The following TFEC variants were observed in gnomAD, a reference collection of about 807,000 sequenced individuals.
TFEC encodes the protein class E basic helix-loop-helix protein 34.
In TFEC, 31 loss-of-function variants were observed where a neutral mutation model predicts 41.6. That is an observed-to-expected ratio of 0.74 (90% CI 0.56 to 1.01). The LOEUF (loss-of-function observed/expected upper bound fraction) is 1.01, where lower values mean the gene tolerates loss of function less well. TFEC is among the 50% of genes least tolerant of loss of function. TFEC has a pLI of 0.00. For synonymous variants in TFEC, 143 were observed against 140.6 expected (o/e 1.02, Z -0.12); for missense variants, 402 against 404.1 (o/e 0.99, Z 0.04).
chr7:116,111,179 C>T (rs1478186815), intron 2 of TFEC, among the ~76,000 whole-genome samples: 2 of 151,212 alleles, frequency 1.3e-5, no homozygotes, highest in Non-Finnish European at 2.9e-5. Context: ...AGATTTGTGC[C>T]TGACTTTGTT....
chr7:116,123,648 G>A (rs1459035852), intron 1 of TFEC, among the ~76,000 whole-genome samples: 1 of 151,868 alleles, frequency 6.6e-6, no homozygotes, highest in African/African-American at 2.4e-5. Context: ...TTTCTTTATT[G>A]ATGCTTCACC....
At chr7:115,987,729 G>T (rs186388429) in intron 1 of TFEC, among the ~76,000 whole-genome samples, 1 of 151,840 alleles carries the variant, frequency 6.6e-6, no homozygotes, top group South Asian at 2.1e-4. Context: ...CAGACAGCAG[G>T]CACACAAAAA....
At chr7:116,016,599 C>G (rs1795200001) in intron 1 of TFEC, among the ~76,000 whole-genome samples, 1 of 152,006 alleles carries the variant, frequency 6.6e-6, no homozygotes, top group Admixed American at 6.6e-5. Flanking sequence ...ATACTATGTA[C>G]ATGCTAATAT....
intron 1 of TFEC, among the ~76,000 whole-genome samples, chr7:116,134,509 C>T (rs1425928980): frequency 6.6e-6 from 1 of 152,080 alleles, no homozygotes. Context: ...AAACCCTTCC[C>T]TTTGGGTCTC....
At chr7:116,149,964 C>T (rs1172581638) in intron 1 of TFEC, among the ~76,000 whole-genome samples, 5 of 152,086 alleles carry the variant, frequency 3.3e-5, no homozygotes, top group African/African-American at 1.2e-4. Flanking sequence ...AACTCCTTTA[C>T]AACAGTCAAC....
chr7:115,999,273 T>C (rs1221529533), intron 1 of TFEC, among the ~76,000 whole-genome samples: 1 of 151,860 alleles, frequency 6.6e-6, no homozygotes, highest in East Asian at 1.9e-4. Context: ...AGAAGGAAAT[T>C]TAAAAATTTC....
chr7:116,078,162 C>A (rs1040485145), intron 3 of TFEC, among the ~76,000 whole-genome samples: 2 of 151,916 alleles, frequency 1.3e-5, no homozygotes, highest in Non-Finnish European at 2.9e-5. Context: ...ATTAAATAAC[C>A]TGCTCCTGAA....
chr7:116,094,650 C>T lies in TFEC; in HGVS notation c.198+16058G>A, dbSNP rs149004759. Reference sequence around the variant, plus strand: ...ACCTCAGATTGAGCCACTGCACTCCCGCCTGGGTGACAGAGAAAGACTCCG... The same window carrying T: ...ACCTCAGATTGAGCCACTGCACTCCTGCCTGGGTGACAGAGAAAGACTCCG... On this transcript the variant is annotated intron_variant, in intron 3 of 8. Coordinates refer to the TFEC transcript ENST00000484212. Among the ~76,000 whole-genome samples, 362 of 152,026 alleles carry T rather than the reference C, an allele frequency of 2.4e-3. 2 individuals carry two copies. Among genetic ancestry groups the T allele is most frequent in the African/African-American group, 3.8e-3 (157 of 41,458 alleles).
intron 1 of TFEC, among the ~76,000 whole-genome samples, chr7:116,157,546 A>T (rs560802697): frequency 6.6e-6 from 1 of 152,134 alleles, no homozygotes; most frequent in South Asian, 2.1e-4. Context: ...TAAGTTTAGT[A>T]GGGAATGAGC....
intron 1 of TFEC, among the ~76,000 whole-genome samples, chr7:116,145,312 C>T (rs1798620673): frequency 6.6e-6 from 1 of 152,132 alleles, no homozygotes; most frequent in African/African-American, 2.4e-5. Context: ...TCACCCCCAC[C>T]CCTGAGCTAA....
In TFEC at chr7:116,118,516, A is replaced by G. The variant is rs145339295; in HGVS notation, c.-68-6478T>C. On this transcript the variant is annotated intron_variant, in intron 1 of 8. Transcript: ENST00000484212. Reference sequence around the variant, plus strand: ...GCTGGCATCTTTTCCTAATGGGGAAATTAATTTTAAGGCTTTGTGGTACCT... The same window carrying G: ...GCTGGCATCTTTTCCTAATGGGGAAGTTAATTTTAAGGCTTTGTGGTACCT... 2.1e-4 allele frequency among the ~76,000 whole-genome samples: 32 copies of G among 151,854 alleles called. 1 individual carries two copies. Among genetic ancestry groups the G allele is most frequent in the African/African-American group, 7.2e-4 (30 of 41,494 alleles).
chr7:116,031,822 C>T (rs1330188300), upstream of TFEC, among the ~76,000 whole-genome samples: 1 of 152,012 alleles, frequency 6.6e-6, no homozygotes, highest in Non-Finnish European at 1.5e-5. Flanking sequence ...TTTTGAGTCA[C>T]CTTACCTTTT....
Position 116,088,414 on chromosome 7 carries a change from C to T in TFEC, c.198+22294G>A, listed in dbSNP as rs114135203. Among the ~76,000 whole-genome samples, 1,299 of 152,084 alleles carry T rather than the reference C, an allele frequency of 8.5e-3. 21 individuals carry two copies. Among genetic ancestry groups the T allele is most frequent in the African/African-American group, 0.029 (1,216 of 41,502 alleles). ...ATGGTAGTAGTCGGCTAAATATTTG[C>T]GATAATTAGAAAATCAAAGAATGAG... is the stretch of plus-strand genomic sequence containing the variant. On this transcript the variant is annotated intron_variant, in intron 3 of 8. Transcript: ENST00000484212.
intron 1 of TFEC, among the ~76,000 whole-genome samples, chr7:116,151,631 A>G (rs755248304): frequency 3.9e-5 from 6 of 152,092 alleles, no homozygotes; most frequent in Non-Finnish European, 7.4e-5. Flanking sequence ...GTTTTTTTCC[A>G]AAATGAGAAC....
chr7:116,003,594 C>A (rs1011037269), intron 1 of TFEC, among the ~76,000 whole-genome samples: 1 of 151,912 alleles, frequency 6.6e-6, no homozygotes, highest in Non-Finnish European at 1.5e-5. Flanking sequence ...GGCAGAAAAT[C>A]AGTATGGAGA....
At chr7:116,044,451 T>A (rs1796115515) in intron 3 of TFEC, among the ~76,000 whole-genome samples, 1 of 152,224 alleles carries the variant, frequency 6.6e-6, no homozygotes, top group African/African-American at 2.4e-5. Flanking sequence ...ATATTATTTC[T>A]TTTCACAGTG....
In TFEC at chr7:115,938,004, C is replaced by T. The variant is rs994475939; in HGVS notation, c.*2547G>A. 17 of 151,980 alleles carry T rather than the reference C, an allele frequency of 1.1e-4. No individual in the cohort carries two copies. The highest frequency in any genetic ancestry group is 1.9e-4 in the Non-Finnish European group (13 of 67,830). 9.4% of individuals were successfully genotyped at this position (151,980 alleles called of 1,614,324 possible). A position where few individuals can be genotyped will look rare whatever the true frequency, so the allele number is the denominator to read the frequency against. ...GGGACACAGCATAACTCTTTACTCT[C>T]TTTAAAAATTCATTACCCTTTTTAC... On this transcript the variant is annotated 3_prime_UTR_variant, in exon 8 of 8. Transcript: ENST00000265440.
At chr7:115,996,752 G>T (rs1584665212) in intron 1 of TFEC, among the ~76,000 whole-genome samples, 1 of 152,014 alleles carries the variant, frequency 6.6e-6, no homozygotes, top group Admixed American at 6.6e-5. Flanking sequence ...AAAGCTGACT[G>T]AAGAGACCTT....
chr7:116,094,883 T>C (rs1562967184), intron 3 of TFEC, among the ~76,000 whole-genome samples: 1 of 152,220 alleles, frequency 6.6e-6, no homozygotes, highest in Non-Finnish European at 1.5e-5. Flanking sequence ...GTAACCTTTA[T>C]GCTGTAAATT....
Sources: gnomAD v4.1 joint callset for allele counts (sites outside exome capture counted in the v4.1 genomes callset) on GRCh38, gnomAD v4.1.1 for gene constraint, MANE v1.5 for transcripts, NCBI Gene and HGNC (gene_info 2026-07-23, HGNC 2026-07-21) for gene names.